SUZ12: variants seen among roughly 807,000 people sequenced by gnomAD.
SUZ12 encodes polycomb protein SUZ12.
In SUZ12, 17 loss-of-function variants were observed where a neutral mutation model predicts 87.3. That is an observed-to-expected ratio of 0.19 (90% CI 0.13 to 0.29). The LOEUF (loss-of-function observed/expected upper bound fraction) is 0.29. SUZ12 is among the 10% of genes least tolerant of loss of function. The pLI, the probability that SUZ12 is intolerant of heterozygous loss-of-function variation, is 1.00. For missense variants in SUZ12, 526 were observed against 912.2 expected (o/e 0.58, Z 5.45); for synonymous variants, 253 against 312.4 (o/e 0.81, Z 2.01).
At chr17:31,981,382 G>A (rs528128241) in intron 8 of SUZ12, among the ~76,000 whole-genome samples, 4 of 152,260 alleles carry the variant, frequency 2.6e-5, no homozygotes, top group Admixed American at 1.3e-4. Flanking sequence ...ACTGAGATGC[G>A]TTTTTTCACT....
intron 5 of SUZ12, among the ~76,000 whole-genome samples, chr17:31,968,076 G>A (rs1272342516): frequency 2.6e-5 from 4 of 152,164 alleles, no homozygotes; most frequent in African/African-American, 7.2e-5. Context: ...AGGCTGAGGT[G>A]GGAGGATTGC....
intron 8 of SUZ12, among the ~76,000 whole-genome samples, chr17:31,976,827 C>A (rs866447852): frequency 8.5e-5 from 13 of 152,134 alleles, no homozygotes; most frequent in South Asian, 2.1e-4. Flanking sequence ...GTTAAACTTA[C>A]TTATTTGGCG....
intron 3 of SUZ12, among the ~76,000 whole-genome samples, chr17:31,943,230 A>G (rs933424637): frequency 6.6e-6 from 1 of 152,126 alleles, no homozygotes; most frequent in African/African-American, 2.4e-5. Flanking sequence ...CCATTATTTG[A>G]TTTTTGCCAG....
intron 10 of SUZ12, among the ~76,000 whole-genome samples, chr17:31,990,434 G>A (rs2142208698): frequency 6.6e-6 from 1 of 151,574 alleles, no homozygotes; most frequent in Admixed American, 6.6e-5. Flanking sequence ...CGTGATCTCG[G>A]CTCAGCACAA....
intron 15 of SUZ12, among the ~76,000 whole-genome samples, 162 bp downstream of exon 15, chr17:31,997,039 GT>G (rs908689050): frequency 4.6e-5 from 7 of 151,440 alleles, no homozygotes; most frequent in African/African-American, 1.5e-4. Context: ...GGTTTGGCAG[GT>G]TTTTTTTAGG....
intron 5 of SUZ12, among the ~76,000 whole-genome samples, chr17:31,972,359 GTGTA>G (rs1567826654): frequency 2.1e-5 from 3 of 144,194 alleles, no homozygotes; most frequent in Non-Finnish European, 3.0e-5. Flanking sequence ...ATATATATAT[GTGTA>G]TGTATGTGTG....
intron 4 of SUZ12, among the ~76,000 whole-genome samples, chr17:31,950,752 C>T (rs528984424): frequency 3.3e-5 from 5 of 151,988 alleles, no homozygotes; most frequent in Admixed American, 6.6e-5. Flanking sequence ...TATCTTAAAT[C>T]GTACACAAAA....
chr17:31,956,782 A>G (rs1907369308), intron 4 of SUZ12, among the ~76,000 whole-genome samples: 1 of 151,504 alleles, frequency 6.6e-6, no homozygotes, highest in Non-Finnish European at 1.5e-5. Context: ...ATATATGTAT[A>G]TATATATATT....
chr17:31,972,459 C>T (rs1908501190), intron 5 of SUZ12, among the ~76,000 whole-genome samples: 1 of 151,312 alleles, frequency 6.6e-6, no homozygotes, highest in Non-Finnish European at 1.5e-5. Flanking sequence ...TTCGCCCAGA[C>T]TAGAGGGCAG....
intron 3 of SUZ12, among the ~76,000 whole-genome samples, chr17:31,943,410 GATTA>G (rs1906422369): frequency 6.6e-6 from 1 of 152,114 alleles, no homozygotes; most frequent in Non-Finnish European, 1.5e-5. Flanking sequence ...ATTTTTTGTT[GATTA>G]AAATACAACA....
chr17:31,956,637 G>A (rs1019851508), intron 4 of SUZ12, among the ~76,000 whole-genome samples: 8 of 152,016 alleles, frequency 5.3e-5, no homozygotes, highest in Admixed American at 3.3e-4. Flanking sequence ...AGATATCACC[G>A]AAAACCCTCC....
intron 4 of SUZ12, among the ~76,000 whole-genome samples, chr17:31,959,944 G>A (rs541435280): frequency 2.6e-5 from 4 of 151,518 alleles, no homozygotes; most frequent in Middle Eastern, 3.4e-3. Flanking sequence ...GATGCAGGGA[G>A]CACATGACAT....
In SUZ12 at chr17:31,979,123, A is replaced by AAAAAG. The variant is rs1389571589; in HGVS notation, c.917+2511_917+2512insAAGAA. ...GTCTCCAAAAAAAAAAAAAAAAAAA[A>AAAAAG]AAGAATTCAAAACGATAGGAAAGTT... On this transcript the variant is annotated intron_variant, in intron 8 of 15. Coordinates refer to ENST00000322652, the MANE Select transcript of SUZ12 (RefSeq NM_015355.4). 1.3e-3 allele frequency among the ~76,000 whole-genome samples: 189 copies of AAAAAG among 145,750 alleles called. 2 individuals are homozygous for AAAAAG. Among genetic ancestry groups the AAAAAG allele is most frequent in the African/African-American group, 4.6e-3 (178 of 38,586 alleles).
At chr17:31,962,927 T>C (rs2142155709) in intron 4 of SUZ12, among the ~76,000 whole-genome samples, 1 of 152,374 alleles carries the variant, frequency 6.6e-6, no homozygotes, top group East Asian at 1.9e-4. Flanking sequence ...GACTGGTGGA[T>C]TATCTTCTAA....
rs571655117 is a variant in SUZ12, at chr17:31,972,129, A to T, written c.506-1017A>T. On this transcript the variant is annotated intron_variant, in intron 5 of 15. Transcript: ENST00000322652. ...TGAAACCCCATCTCTACTTAAAATT[A>T]AAAAAATCAGCTGGGTGTCCTGGTG... Among the ~76,000 whole-genome samples the T allele has an allele frequency of 2.0e-5, 3 of 151,292 alleles. No individual in the cohort carries two copies. The East Asian group carries it at 5.9e-4, about 30-fold the overall frequency.
At chr17:31,943,185 C>T (rs1198239553) in intron 3 of SUZ12, among the ~76,000 whole-genome samples, 1 of 152,142 alleles carries the variant, frequency 6.6e-6, no homozygotes, top group East Asian at 1.9e-4. Flanking sequence ...AATTAGGTTA[C>T]AGAATTAGTT....
intron 10 of SUZ12, among the ~76,000 whole-genome samples, chr17:31,991,177 C>T (rs1396107858): frequency 6.6e-6 from 1 of 152,116 alleles, no homozygotes; most frequent in Non-Finnish European, 1.5e-5. Context: ...CTCATGTACA[C>T]TCATTGTGTG....
chr17:31,977,909 A>G (rs1908856143), intron 8 of SUZ12, among the ~76,000 whole-genome samples: 1 of 152,140 alleles, frequency 6.6e-6, no homozygotes, highest in African/African-American at 2.4e-5. Context: ...AGAAAAGAAA[A>G]TCATGTATAA....
intron 9 of SUZ12, 60 bp downstream of exon 9, chr17:31,983,164 GT>G: frequency 1.3e-6 from 2 of 1,503,522 alleles, no homozygotes; most frequent in East Asian, 4.7e-5. Context: ...TTTGACTGAT[GT>G]TTTCTTCCCC....
Sources: allele counts gnomAD v4.1 joint callset (sites outside exome capture counted in the v4.1 genomes callset), GRCh38; gene constraint gnomAD v4.1.1; transcripts MANE v1.5; gene names NCBI Gene and HGNC (gene_info 2026-07-23, HGNC 2026-07-21).